The following KIR2DL3 variants were observed in gnomAD, a reference collection of about 807,000 sequenced individuals.
KIR2DL3 encodes the protein killer cell immunoglobulin-like receptor 2DL3.
Under a neutral mutation model 33.8 loss-of-function variants are expected in KIR2DL3, and 39 were observed. The ratio of observed to expected loss-of-function variants is 1.15; its 90% CI spans 0.89 to 1.51. KIR2DL3 has a LOEUF of 1.51. Among genes scored for constraint, KIR2DL3 ranks in the 40% most tolerant of loss-of-function variants. The probability of loss-of-function intolerance (pLI) is 0.00; values close to 1 mark genes in which losing one functional copy is unlikely to be tolerated. For missense variants in KIR2DL3, 462 were observed against 426.2 expected (o/e 1.08, Z -0.74); for synonymous variants, 174 against 160.2 (o/e 1.09, Z -0.65).
At position 54,742,084 on chromosome 19, in the gene KIR2DL3, C is replaced by A; in HGVS notation, c.175C>A (p.Leu59Ile). 1 of 1,613,784 alleles carries A rather than the reference C, an allele frequency of 6.2e-7. No homozygotes were observed. The highest frequency in any genetic ancestry group is 8.5e-7 in the Non-Finnish European group (1 of 1,179,904). ...CWSDVRFQHF[L>I]LHREGKFKDT... is the part of the protein sequence containing the mutation. ...GTCAGATGTCAGGTTTCAGCACTTC[C>A]TTCTGCACAGAGAAGGGAAGTTTAA... The change falls in exon 3 of 8, where the codon CTT becomes ATT. Residue 59 changes from leucine to isoleucine, a missense_variant. By Grantham distance (5) the Leu-to-Ile change is conservative (BLOSUM62 2). Coordinates refer to ENST00000342376, the MANE Select transcript of KIR2DL3 (RefSeq NM_015868.3).
chr19:54,751,818 C>G, intron 6 of KIR2DL3, 65 bp downstream of exon 6: 3 of 1,264,224 alleles, frequency 2.4e-6, no homozygotes, highest in Non-Finnish European at 3.3e-6. Context: ...TGGGAGCACT[C>G]AGGTGTGTGT....
In KIR2DL3 at chr19:54,751,140, C is replaced by T. The variant is rs2365226; in HGVS notation, c.716-509C>T. 7.8e-5 allele frequency among the ~76,000 whole-genome samples: 10 copies of T among 128,724 alleles called. 2 individuals are homozygous for T. Among genetic ancestry groups the T allele is most frequent in the South Asian group, 5.7e-4 (2 of 3,508 alleles). 84.4% of individuals were successfully genotyped at this position (128,724 alleles called of 152,430 possible). ...TGGCACCAGCATCTATTTCTCGTGACGGCCTCAGGCTGCTCCCACTCTGGC... is the reference window on the plus strand; with the variant it reads ...TGGCACCAGCATCTATTTCTCGTGATGGCCTCAGGCTGCTCCCACTCTGGC... On this transcript the variant is annotated intron_variant, in intron 5 of 7. Transcript: ENST00000342376.
chr19:54,740,264 C>T (rs1235543989), intron 2 of KIR2DL3, among the ~76,000 whole-genome samples: 15 of 152,026 alleles, frequency 9.9e-5, no homozygotes, highest in African/African-American at 3.4e-4. Context: ...CCTCCTTCTC[C>T]CCAAGGTGGT....
chr19:54,740,328 T>C (rs1374778153), intron 2 of KIR2DL3, among the ~76,000 whole-genome samples: 5 of 151,996 alleles, frequency 3.3e-5, no homozygotes, highest in South Asian at 2.1e-4. Flanking sequence ...CTCTAGGACA[T>C]GTCATTCTTC....
Position 54,738,705 on chromosome 19 carries a change from T to C in KIR2DL3, c.34+126T>C, listed in dbSNP as rs1477729473. On this transcript the variant is annotated intron_variant, in intron 1 of 7. Transcript: ENST00000342376. ...GGAGTGATGGGCCTAGAAGTGGAGATCTGGGCCTGGAGTGGAGATCTGGGC... is the reference window on the plus strand; with the variant it reads ...GGAGTGATGGGCCTAGAAGTGGAGACCTGGGCCTGGAGTGGAGATCTGGGC... 9 of 788,860 alleles carry C rather than the reference T, an allele frequency of 1.1e-5. No individual in the cohort carries two copies. The African/African-American group carries it at 1.5e-4, about 13-fold the overall frequency. 48.9% of individuals were successfully genotyped at this position (788,860 alleles called of 1,614,324 possible). A position where few individuals can be genotyped will look rare whatever the true frequency, so the allele number is the denominator to read the frequency against.
At chr19:54,744,921 CATATATATATATATATATATAT>C (rs1177112432) in intron 4 of KIR2DL3, among the ~76,000 whole-genome samples, 1 of 25,254 alleles carries the variant, frequency 4.0e-5, no homozygotes, top group Non-Finnish European at 7.7e-5. Flanking sequence ...CATATATAAA[CATATATATATATATATATATAT>C]ATATATATAT....
chr19:54,745,555 G>A (rs1161415598), intron 4 of KIR2DL3, among the ~76,000 whole-genome samples: 3 of 150,994 alleles, frequency 2.0e-5, no homozygotes, highest in Non-Finnish European at 3.0e-5. Context: ...GTATAGATGG[G>A]GTTTCCCCAT....
intron 5 of KIR2DL3, among the ~76,000 whole-genome samples, 155 bp downstream of exon 5, chr19:54,747,540 G>T (rs926102015): frequency 1.3e-4 from 20 of 152,054 alleles, no homozygotes; most frequent in Non-Finnish European, 2.6e-4. Flanking sequence ...AAGGGATCTG[G>T]GCCCAACCTA....
intron 2 of KIR2DL3, among the ~76,000 whole-genome samples, chr19:54,740,607 T>C (rs2070864805): frequency 6.6e-6 from 1 of 151,580 alleles, no homozygotes; most frequent in African/African-American, 2.4e-5. Flanking sequence ...TCCCAGAGCT[T>C]CTGTTGGGCA....
In KIR2DL3 at chr19:54,742,246, G is replaced by C; in HGVS notation, c.337G>C (p.Ala113Pro). ...SVTHSPYQLS[A>P]PSDPLDIVIT... ...TACTCACTCCCCCTATCAGTTGTCA[G>C]CTCCCAGTGACCCTCTGGACATCGT... Residue 113 changes from alanine (A) to proline (P), a missense_variant, in exon 3 of 8, where the codon GCT (alanine) becomes CCT (proline). Physicochemically the swap from Ala to Pro is conservative, Grantham distance 27. Coordinates refer to ENST00000342376, the MANE Select transcript of KIR2DL3 (RefSeq NM_015868.3). 3 of 1,614,200 alleles carry C rather than the reference G, an allele frequency of 1.9e-6. No individual in the cohort carries two copies. The highest frequency in any genetic ancestry group is 2.5e-6 in the Non-Finnish European group (3 of 1,180,036).
chr19:54,752,179 C>T (rs1341919987), intron 6 of KIR2DL3, 37 bp from the exon 7 acceptor site: 1 of 1,456,276 alleles, frequency 6.9e-7, no homozygotes, highest in Non-Finnish European at 9.3e-7. Flanking sequence ...CCCAGAAGTG[C>T]CCTCTGAGCT....
At chr19:54,738,884 G>A (rs796481242) in intron 1 of KIR2DL3, among the ~76,000 whole-genome samples, 1 of 144,108 alleles carries the variant, frequency 6.9e-6, no homozygotes, top group Admixed American at 7.0e-5. Flanking sequence ...GGAGATATGG[G>A]CCTGGAGTGG....
At position 54,752,372 on chromosome 19, in the gene KIR2DL3, T is replaced by C; in HGVS notation, c.879T>C (p.Ser293=). 2 of 1,473,276 alleles carry C rather than the reference T, an allele frequency of 1.4e-6. No individual in the cohort carries two copies. Among genetic ancestry groups the C allele is most frequent in the South Asian group, 1.3e-5 (1 of 78,032 alleles). 91.3% of individuals were successfully genotyped at this position (1,473,276 alleles called of 1,614,324 possible). The part of the protein sequence containing the change: ...AGNRTVNRED[S]DEQDPQEVTY... ...CAGCATTTCCCTCTCTCCAGGACTC[T>C]GATGAACAAGACCCTCAGGAGGTGA... The change falls in exon 8 of 8, where the codon TCT becomes TCC. Residue 293 remains serine, a synonymous_variant. Transcript: ENST00000342376.
rs1445853199 is a variant in KIR2DL3, at chr19:54,752,405, A to G, written c.912A>G (p.Ala304=). 4 of 1,469,480 alleles carry G rather than the reference A, an allele frequency of 2.7e-6. 1 individual carries two copies. The Admixed American group carries it at 5.5e-5, about 20-fold the overall frequency. 91.0% of individuals were successfully genotyped at this position (1,469,480 alleles called of 1,614,324 possible). ...AAGACCCTCAGGAGGTGACATATGC[A>G]CAGTTGAATCACTGCGTTTTCACAC... The part of the protein sequence containing the change: ...DEQDPQEVTY[A]QLNHCVFTQR... Residue 304 remains alanine, a synonymous_variant, in exon 8 of 8, where the codon GCA becomes GCG. Transcript: ENST00000342376.
At chr19:54,746,471 C>G (rs1212657462) in intron 4 of KIR2DL3, among the ~76,000 whole-genome samples, 3 of 148,158 alleles carry the variant, frequency 2.0e-5, no homozygotes, top group African/African-American at 7.5e-5. Context: ...TTCCTTCAGA[C>G]AAATGTCCTG....
intron 5 of KIR2DL3, among the ~76,000 whole-genome samples, chr19:54,748,711 T>C (rs1282561949): frequency 7.0e-6 from 1 of 143,486 alleles, no homozygotes; most frequent in Non-Finnish European, 1.5e-5. Context: ...AACCTGCGTC[T>C]CCTGGATTCA....
chr19:54,739,196 T>A (rs2070478157), intron 1 of KIR2DL3, among the ~76,000 whole-genome samples: 1 of 148,788 alleles, frequency 6.7e-6, no homozygotes, highest in South Asian at 2.1e-4. Context: ...GATCTGGGCC[T>A]GGGGCGGAGA....
In KIR2DL3 at chr19:54,738,585, T is replaced by A. The variant is rs769133926; in HGVS notation, c.34+6T>A. 2 of 1,613,932 alleles carry A rather than the reference T, an allele frequency of 1.2e-6. No homozygotes were observed. Among genetic ancestry groups the A allele is most frequent in the Admixed American group, 3.3e-5 (2 of 59,992 alleles). On this transcript the variant is annotated splice_donor_region_variant and intron_variant, in intron 1 of 7. Transcript: ENST00000342376. ...CGTCAGCATGGTGTGTGTTGGTGAG[T>A]CCTGGAAGGGCATCGAGGGAGGGAG...
intron 2 of KIR2DL3, among the ~76,000 whole-genome samples, chr19:54,741,519 A>G (rs1358490701): frequency 6.6e-6 from 1 of 152,096 alleles, no homozygotes; most frequent in Non-Finnish European, 1.5e-5. Context: ...AGGCACAGGC[A>G]TGGCAAGAGT....
Sources: allele counts gnomAD v4.1 joint callset (sites outside exome capture counted in the v4.1 genomes callset), GRCh38; gene constraint gnomAD v4.1.1; transcripts MANE v1.5; gene names NCBI Gene and HGNC (gene_info 2026-07-23, HGNC 2026-07-21).